UBE3B: variants seen among roughly 807,000 people sequenced by gnomAD.
The protein encoded by UBE3B is ubiquitin protein ligase E3B, also known as ubiquitin-protein ligase E3B.
A neutral mutation model predicts 132.3 loss-of-function variants in UBE3B; 80 were observed. That is an observed-to-expected ratio of 0.60 (90% CI 0.50 to 0.73). The LOEUF (loss-of-function observed/expected upper bound fraction) is 0.73, where lower values mean the gene tolerates loss of function less well. Among genes scored for constraint, UBE3B ranks in the 30% least tolerant of loss-of-function variants. The pLI is 0.00. For synonymous variants in UBE3B, 487 were observed against 520.4 expected (o/e 0.94, Z 0.87); for missense variants, 1,196 against 1,362.5 (o/e 0.88, Z 1.92).
intron 9 of UBE3B, among the ~76,000 whole-genome samples, chr12:109,493,561 C>T (rs1446856546): frequency 6.6e-6 from 1 of 152,182 alleles, no homozygotes; most frequent in Non-Finnish European, 1.5e-5. Flanking sequence ...TTGTTAAGGC[C>T]AGGCTACTCT....
chr12:109,511,200 C>T lies in UBE3B; in HGVS notation c.1857-4C>T. 1.2e-6 allele frequency: 2 copies of T among 1,613,832 alleles called. No individual in the cohort carries two copies. Among genetic ancestry groups the T allele is most frequent in the Non-Finnish European group, 1.7e-6 (2 of 1,179,820 alleles). The stretch of plus-strand genomic sequence containing the variant: ...TCTCCCAAACCCATGTCTTTCTTCT[C>T]AAGGGATCTCAAACCTAGCGTGCTC... On this transcript the variant is annotated splice_region_variant and splice_polypyrimidine_tract_variant and intron_variant, in intron 17 of 27. Transcript: ENST00000342494.
In UBE3B at chr12:109,483,531, G is replaced by T; in HGVS notation, c.-21G>T. On this transcript the variant is annotated splice_region_variant and 5_prime_UTR_variant, in exon 3 of 28. Coordinates refer to ENST00000342494, the MANE Select transcript of UBE3B (RefSeq NM_130466.4). ...ACCCACTTGCCCATTTTCCTTGCAG[G>T]GTTTGTGCAAGTTTGCAAACATGTT... 1 of 1,538,642 alleles carries T rather than the reference G, an allele frequency of 6.5e-7. No homozygotes were observed. Among genetic ancestry groups the T allele is most frequent in the Non-Finnish European group, 8.7e-7 (1 of 1,145,486 alleles).
At chr12:109,541,335 C>T (rs573589439), downstream of UBE3B, among the ~76,000 whole-genome samples, 1 of 152,194 alleles carries the variant, frequency 6.6e-6, no homozygotes, top group Non-Finnish European at 1.5e-5. Flanking sequence ...GACCTTGGAC[C>T]TGTACTTGAG....
At chr12:109,495,675 T>C (rs1282178764) in intron 9 of UBE3B, among the ~76,000 whole-genome samples, 1 of 152,238 alleles carries the variant, frequency 6.6e-6, no homozygotes, top group African/African-American at 2.4e-5. Flanking sequence ...CTATAGATTA[T>C]AGATTAACTA....
At chr12:109,498,073 T>G in intron 10 of UBE3B, 150 bp downstream of exon 10, 1 of 1,321,968 alleles carries the variant, frequency 7.6e-7, no homozygotes, top group Non-Finnish European at 1.1e-6. Flanking sequence ...CACATTTGTG[T>G]TAGTAGCCCA....
downstream of UBE3B, among the ~76,000 whole-genome samples, chr12:109,539,180 G>A (rs1883553586): frequency 6.6e-6 from 1 of 152,198 alleles, no homozygotes; most frequent in African/African-American, 2.4e-5. Flanking sequence ...AGGTTGCAAT[G>A]AGCCAAGATC....
At chr12:109,515,363 TTTTG>T (rs1228711434) in intron 18 of UBE3B, among the ~76,000 whole-genome samples, 1 of 151,288 alleles carries the variant, frequency 6.6e-6, no homozygotes, top group Non-Finnish European at 1.5e-5. Flanking sequence ...ATTACTGTTT[TTTTG>T]TTGTTGTTGT....
intron 24 of UBE3B, chr12:109,528,235 G>A (rs554859471): frequency 5.9e-6 from 4 of 677,436 alleles, no homozygotes; most frequent in African/African-American, 3.9e-5. Context: ...CACTTTATGA[G>A]TGTTGGATGT....
At chr12:109,480,669 T>TA (rs147362068) in intron 1 of UBE3B, among the ~76,000 whole-genome samples, 2,625 of 150,812 alleles carry the variant, frequency 0.017, 88 homozygotes, top group African/African-American at 0.062. Flanking sequence ...AAAAAAGACT[T>TA]AGACATTCTC....
In UBE3B at chr12:109,491,179, C is replaced by T. The variant is rs529087157; in HGVS notation, c.713+52C>T. 4 of 1,566,218 alleles carry T rather than the reference C, an allele frequency of 2.6e-6. No homozygotes were observed. In the Admixed American group the frequency reaches 6.8e-5, roughly 27 times the overall value. The stretch of plus-strand genomic sequence containing the variant: ...TTGGCATGTTCTTGAATGCTTCCTC[C>T]TCTTGGTTTTTCTTTCTCTCGTTAC... On this transcript the variant is annotated intron_variant, in intron 9 of 27. Transcript: ENST00000342494.
chr12:109,496,102 A>G (rs913187379), intron 9 of UBE3B, among the ~76,000 whole-genome samples: 4 of 152,194 alleles, frequency 2.6e-5, no homozygotes, highest in African/African-American at 9.7e-5. Context: ...GGCAACAACT[A>G]ATCTACTTTC....
chr12:109,537,633 C>G (rs964870176), downstream of UBE3B, among the ~76,000 whole-genome samples: 1 of 152,260 alleles, frequency 6.6e-6, no homozygotes, highest in East Asian at 1.9e-4. Context: ...CTCCCCAAAA[C>G]ACACATCGCC....
rs1428844441 is a variant in UBE3B at position 109,521,318 on chromosome 12, G to A, written c.2247G>A (p.Leu749=). ...GAGTTTTTGACCCAGCACTCAATCT[G>A]TTCAAGGTATTTAAGGGGAGCAACA... ...IKRVFDPALN[L]FKTTSGDERL... is the part of the protein sequence containing the mutation. Residue 749 remains leucine, a synonymous_variant, in exon 20 of 28, where the codon CTG becomes CTA. Transcript: ENST00000342494. This position sits in a 1 kb window ranked among gnomAD's most constrained non-coding sequence, Gnocchi z 4.2. The A allele has an allele frequency of 1.9e-6, 3 of 1,613,816 alleles. No homozygotes were observed. Among genetic ancestry groups the A allele is most frequent in the Non-Finnish European group, 2.5e-6 (3 of 1,179,804 alleles).
Position 109,536,078 on chromosome 12 carries a change from G to A in UBE3B, c.*1296G>A, listed in dbSNP as rs1265266879. On this transcript the variant is annotated 3_prime_UTR_variant, in exon 28 of 28. Transcript: ENST00000342494. The stretch of plus-strand genomic sequence containing the variant: ...ATTTTCCAACAAGAGCTGTCACAGT[G>A]GCAGCAAAGCAGGGGCCACCCGTCT... 6.6e-6 allele frequency: 1 copy of A among 152,236 alleles called. No homozygotes were observed. The highest frequency in any genetic ancestry group is 6.5e-5 in the Admixed American group (1 of 15,284). 9.4% of individuals were successfully genotyped at this position (152,236 alleles called of 1,614,324 possible).
intron 14 of UBE3B, among the ~76,000 whole-genome samples, chr12:109,505,510 G>A (rs527801321): frequency 2.4e-4 from 37 of 152,326 alleles, no homozygotes; most frequent in African/African-American, 8.9e-4. Context: ...AGTGTTAACT[G>A]TTTCCTCTGT....
chr12:109,501,059 G>A (rs745803105), intron 12 of UBE3B, among the ~76,000 whole-genome samples: 2 of 152,212 alleles, frequency 1.3e-5, no homozygotes, highest in African/African-American at 2.4e-5. Context: ...GCTATGAGGA[G>A]GGAGGCAGTG....
chr12:109,516,947 T>C, intron 19 of UBE3B, 63 bp downstream of exon 19: 1 of 1,581,970 alleles, frequency 6.3e-7, no homozygotes, highest in Non-Finnish European at 8.6e-7. Context: ...GGAAGCTCTT[T>C]AGTGGACGGT....
At position 109,490,013 on chromosome 12, in the gene UBE3B, C is replaced by G. The variant is rs754341321; in HGVS notation, c.630+9C>G. On this transcript the variant is annotated intron_variant, in intron 8 of 27. Coordinates refer to ENST00000342494, the MANE Select transcript of UBE3B (RefSeq NM_130466.4). ...TTTATTCTGTGCTGCAGGTCTGTGACTCCTGCCCCCCAGTGTGCAACTTCT... is the reference window on the plus strand; with the variant it reads ...TTTATTCTGTGCTGCAGGTCTGTGAGTCCTGCCCCCCAGTGTGCAACTTCT... The G allele has an allele frequency of 1.2e-6, 2 of 1,613,460 alleles. No homozygotes were observed. Among genetic ancestry groups the G allele is most frequent in the Admixed American group, 3.3e-5 (2 of 60,014 alleles).
At chr12:109,504,049 A>G (rs900631975) in intron 14 of UBE3B, among the ~76,000 whole-genome samples, 1 of 152,224 alleles carries the variant, frequency 6.6e-6, no homozygotes, top group African/African-American at 2.4e-5. Flanking sequence ...GGGAGACTGA[A>G]AATAAGCAAG....
Sources: gnomAD v4.1 joint callset for allele counts (sites outside exome capture counted in the v4.1 genomes callset) on GRCh38, gnomAD v4.1.1 for gene constraint, Gnocchi (gnomAD v3.1) non-coding constraint, MANE v1.5 for transcripts, NCBI Gene and HGNC (gene_info 2026-07-23, HGNC 2026-07-21) for gene names.